HPS5: variants seen among roughly 807,000 people sequenced by gnomAD.
HPS5 encodes the protein HPS5 biogenesis of lysosomal organelles complex 2 subunit 2.
A neutral mutation model predicts 128.0 loss-of-function variants in HPS5; 83 were observed. The observed-to-expected ratio is 0.65, with a 90% CI of 0.54 to 0.78. HPS5 has a LOEUF of 0.78. Ranked by LOEUF, HPS5 falls within the 30% of genes least tolerant of loss-of-function variation. The pLI, the probability that HPS5 is intolerant of heterozygous loss-of-function variation, is 0.00. For synonymous variants in HPS5, 475 were observed against 470.2 expected (o/e 1.01, Z -0.13); for missense variants, 1,281 against 1,326.2 (o/e 0.97, Z 0.53).
chr11:18,286,809 TAGA>T (rs1859791577), intron 18 of HPS5, 99 bp from the exon 19 acceptor site: 3 of 1,440,468 alleles, frequency 2.1e-6, no homozygotes, highest in Admixed American at 1.8e-5. Context: ...GAGATGAATA[TAGA>T]AGAAGAAATA....
intron 8 of HPS5, among the ~76,000 whole-genome samples, chr11:18,305,004 G>A (rs947005086): frequency 6.6e-6 from 1 of 152,204 alleles, no homozygotes; most frequent in African/African-American, 2.4e-5. Context: ...GTACCTATAG[G>A]ATAGAGAGCT....
At chr11:18,301,360 G>A (rs558445064) in intron 8 of HPS5, among the ~76,000 whole-genome samples, 70 of 151,116 alleles carry the variant, frequency 4.6e-4, no homozygotes, top group African/African-American at 1.6e-3. Flanking sequence ...GGAGGCTGAG[G>A]CAGGAGAATC....
chr11:18,297,134 G>A (rs981137933), intron 11 of HPS5, 150 bp from the exon 12 acceptor site: 8 of 658,442 alleles, frequency 1.2e-5, no homozygotes, highest in African/African-American at 1.1e-4. Context: ...CAAGGCTTAG[G>A]TGCCTGGCAG....
chr11:18,297,809 G>C (rs1190600018), intron 10 of HPS5, 92 bp from the exon 11 acceptor site: 5 of 1,256,678 alleles, frequency 4.0e-6, no homozygotes, highest in Non-Finnish European at 4.6e-6. Flanking sequence ...GCCGGGCACG[G>C]TGGCTCACGC....
intron 1 of HPS5, among the ~76,000 whole-genome samples, chr11:18,320,039 G>A (rs565629414): frequency 2.0e-5 from 3 of 152,150 alleles, no homozygotes; most frequent in Admixed American, 1.3e-4. Context: ...AAAAGAGAAT[G>A]TCCTGGAAGT....
chr11:18,280,471 A>C (rs1858742603), intron 22 of HPS5: 1 of 659,350 alleles, frequency 1.5e-6, no homozygotes, highest in African/African-American at 1.8e-5. Flanking sequence ...TCTACAGAAC[A>C]GTATGGTGGT....
At chr11:18,308,223 A>G (rs971182154) in intron 6 of HPS5, among the ~76,000 whole-genome samples, 11 of 152,170 alleles carry the variant, frequency 7.2e-5, no homozygotes, top group African/African-American at 2.7e-4. Context: ...GGCTCTATCT[A>G]CCCTTGAGAT....
At chr11:18,294,957 G>A (rs1860875858) in intron 14 of HPS5, 63 bp downstream of exon 14, 2 of 1,589,952 alleles carry the variant, frequency 1.3e-6, no homozygotes, top group Non-Finnish European at 1.7e-6. Context: ...TTGGTCTATG[G>A]CTTTCTTAAA....
intron 18 of HPS5, chr11:18,287,007 G>A: frequency 1.7e-6 from 1 of 590,512 alleles, no homozygotes; most frequent in Non-Finnish European, 3.0e-6. Context: ...TAAGTTTGAG[G>A]CTGTAGTATG....
At chr11:18,292,110 A>ATT (rs779286331) in intron 15 of HPS5, 91 bp from the exon 16 acceptor site, 28 of 928,056 alleles carry the variant, frequency 3.0e-5, no homozygotes, top group East Asian at 7.3e-5. Flanking sequence ...TAACCAATGT[A>ATT]ACATACTCAT....
rs749986021 is a variant in HPS5, at chr11:18,309,038, T to A, written c.519A>T (p.Thr173=). The A allele has an allele frequency of 4.3e-6, 7 of 1,613,920 alleles. No homozygotes were observed. In the East Asian group the frequency reaches 1.6e-4, roughly 36 times the overall value. Residue 173 remains threonine, a synonymous_variant, in exon 6 of 23, where the codon ACA becomes ACT. Transcript: ENST00000349215. ...AFVMFPVQTI[T]TVDSCVVQLD... ...ACTGTACAACACAGGAGTCAACAGT[T>A]GTGATTGTCTGAACAGGAAACATCA...
In HPS5 at chr11:18,281,942, G is replaced by C; in HGVS notation, c.3329+8C>G. On this transcript the variant is annotated splice_region_variant and intron_variant, in intron 22 of 22. Coordinates refer to ENST00000349215, the MANE Select transcript of HPS5 (RefSeq NM_181507.2). ...CACTATGCAGAGGGTAGGACAAACT[G>C]ATATTACCTCTGCCTTTTCTCAGCA... 6.2e-7 allele frequency: 1 copy of C among 1,614,150 alleles called. No homozygotes were observed. The highest frequency in any genetic ancestry group is 8.5e-7 in the Non-Finnish European group (1 of 1,180,032).
intron 12 of HPS5, 88 bp from the exon 13 acceptor site, chr11:18,296,210 C>A: frequency 7.2e-7 from 1 of 1,391,270 alleles, no homozygotes; most frequent in Non-Finnish European, 1.0e-6. Context: ...AATGAATAAA[C>A]CGAAAGAAAT....
intron 6 of HPS5, among the ~76,000 whole-genome samples, chr11:18,307,676 C>T (rs1471822906): frequency 6.6e-6 from 1 of 151,280 alleles, no homozygotes; most frequent in African/African-American, 2.4e-5. Flanking sequence ...ACTAAATTTA[C>T]ATGAAGCAAA....
At position 18,291,878 on chromosome 11, in the gene HPS5, T is replaced by TG. The variant is rs1860452008; in HGVS notation, c.2003_2004insC (p.Lys668AsnfsTer10). 4.4e-6 allele frequency: 7 copies of TG among 1,607,146 alleles called. No individual in the cohort carries two copies. Among genetic ancestry groups the TG allele is most frequent in the Non-Finnish European group, 5.9e-6 (7 of 1,176,618 alleles). On this transcript the variant is annotated frameshift_variant, in exon 16 of 23. Transcript: ENST00000349215. LOFTEE classifies it high-confidence loss of function. ...TAACTAATAGCACATCCTGGTTCAA[T>TG]TTCATGGATGAGTTGTCAGTATCTG...
At chr11:18,315,878 T>C (rs1172370584) in intron 2 of HPS5, among the ~76,000 whole-genome samples, 1 of 152,206 alleles carries the variant, frequency 6.6e-6, no homozygotes, top group Non-Finnish European at 1.5e-5. Flanking sequence ...GCCTCCCACT[T>C]GCTAGGTCTA....
At chr11:18,306,033 G>A in intron 7 of HPS5, 102 bp downstream of exon 7, 2 of 916,222 alleles carry the variant, frequency 2.2e-6, no homozygotes, top group Non-Finnish European at 3.6e-6. Context: ...CGCCCAGCCA[G>A]GTATAATAAA....
chr11:18,299,134 T>C (rs1861418752), intron 9 of HPS5, among the ~76,000 whole-genome samples, 164 bp from the exon 10 acceptor site: 1 of 152,196 alleles, frequency 6.6e-6, no homozygotes, highest in South Asian at 2.1e-4. Context: ...AAATCATATT[T>C]TAGAAACTAT....
chr11:18,318,599 T>C (rs571107596), intron 1 of HPS5, among the ~76,000 whole-genome samples: 1 of 152,228 alleles, frequency 6.6e-6, no homozygotes, highest in Non-Finnish European at 1.5e-5. Flanking sequence ...AAAGTTTTTA[T>C]GTGTTCACCT....
Sources: gnomAD v4.1 joint callset for allele counts (sites outside exome capture counted in the v4.1 genomes callset) on GRCh38, gnomAD v4.1.1 for gene constraint, MANE v1.5 for transcripts, NCBI Gene and HGNC (gene_info 2026-07-23, HGNC 2026-07-21) for gene names.